SAMD5: variants seen among roughly 807,000 people sequenced by gnomAD.
SAMD5 encodes the protein sterile alpha motif domain-containing protein 5.
Under a neutral mutation model 11.3 loss-of-function variants are expected in SAMD5, and 13 were observed. The observed-to-expected ratio is 1.15, with a 90% CI of 0.75 to 1.83. SAMD5 has a LOEUF of 1.83. SAMD5 is among the 40% of genes most tolerant of loss of function. The pLI is 0.00. For synonymous variants in SAMD5, 129 were observed against 111.3 expected (o/e 1.16, Z -1.00); for missense variants, 255 against 239.1 (o/e 1.07, Z -0.44).
the SAMD5 span, among the ~76,000 whole-genome samples, chr6:147,876,489 T>C: frequency 6.6e-6 from 1 of 152,196 alleles, no homozygotes; most frequent in East Asian, 1.9e-4. Context: ...GATTCTCAGT[T>C]CACTAAAGGC....
At chr6:147,682,867 A>G (rs73011972) in intron 1 of SAMD5, among the ~76,000 whole-genome samples, 17,451 of 152,196 alleles carry the variant, frequency 0.11, 1,089 homozygotes, top group Middle Eastern at 0.16. Flanking sequence ...TTATTAAATC[A>G]TACTTGTAGA....
chr6:147,806,311 C>CGT, the SAMD5 span, among the ~76,000 whole-genome samples: 1 of 124,886 alleles, frequency 8.0e-6, no homozygotes, highest in South Asian at 2.5e-4. Context: ...CATGCGCGCG[C>CGT]GCGCGCGCAC....
At chr6:147,780,951 A>C in the SAMD5 span, among the ~76,000 whole-genome samples, 3 of 152,308 alleles carry the variant, frequency 2.0e-5, no homozygotes, top group South Asian at 2.1e-4. Context: ...GTAATGAAAT[A>C]ATTCACATTA....
chr6:147,837,995 C>T, the SAMD5 span, among the ~76,000 whole-genome samples: 1 of 151,890 alleles, frequency 6.6e-6, no homozygotes, highest in African/African-American at 2.4e-5. Flanking sequence ...AGTCACCGCC[C>T]TCAAGATGCT....
the SAMD5 span, among the ~76,000 whole-genome samples, chr6:147,913,653 G>A: frequency 2.0e-5 from 3 of 152,204 alleles, no homozygotes; most frequent in Admixed American, 6.5e-5. Context: ...CTGAGATCAC[G>A]CCATTGCACT....
At chr6:147,631,911 T>A (rs1373079201) in intron 1 of SAMD5, among the ~76,000 whole-genome samples, 1 of 152,190 alleles carries the variant, frequency 6.6e-6, no homozygotes, top group East Asian at 1.9e-4. Flanking sequence ...TTCTAAGAGG[T>A]GGGCTAGTGG....
the SAMD5 span, among the ~76,000 whole-genome samples, chr6:147,938,464 A>G: frequency 1.3e-5 from 2 of 152,204 alleles, no homozygotes; most frequent in Non-Finnish European, 2.9e-5. Flanking sequence ...TTTATAGACT[A>G]GTAGGAGAGA....
At chr6:147,864,444 T>A in the SAMD5 span, among the ~76,000 whole-genome samples, 1 of 152,212 alleles carries the variant, frequency 6.6e-6, no homozygotes, top group Non-Finnish European at 1.5e-5. Context: ...GTGCTACGTC[T>A]CTGAGCAGTG....
chr6:147,526,260 TATTA>T (rs747870770), intron 1 of SAMD5, among the ~76,000 whole-genome samples: 3 of 152,254 alleles, frequency 2.0e-5, no homozygotes, highest in East Asian at 1.9e-4. Flanking sequence ...ATTACGTGAT[TATTA>T]ATTAATATTA....
At chr6:147,731,345 T>C (rs181401179) in intron 1 of SAMD5, among the ~76,000 whole-genome samples, 51 of 152,276 alleles carry the variant, frequency 3.3e-4, no homozygotes, top group African/African-American at 1.1e-3. Flanking sequence ...CAGAAGAACA[T>C]AGAATGCAGA....
At chr6:147,627,946 G>A (rs962791210) in intron 1 of SAMD5, among the ~76,000 whole-genome samples, 1 of 152,176 alleles carries the variant, frequency 6.6e-6, no homozygotes, top group East Asian at 1.9e-4. Flanking sequence ...TGTGTGAAAG[G>A]GTTAATAATA....
At chr6:147,581,231 T>C (rs572067403) in intron 1 of SAMD5, among the ~76,000 whole-genome samples, 31 of 152,150 alleles carry the variant, frequency 2.0e-4, no homozygotes, top group Non-Finnish European at 3.1e-4. Flanking sequence ...TCCTAAATCA[T>C]GTGCAAGAGA....
chr6:147,862,845 G>C, the SAMD5 span, among the ~76,000 whole-genome samples: 1 of 152,068 alleles, frequency 6.6e-6, no homozygotes, highest in Non-Finnish European at 1.5e-5. Context: ...TGTGATATAT[G>C]TTCTCTAGAA....
chr6:147,600,120 C>T (rs1789593755), intron 1 of SAMD5, among the ~76,000 whole-genome samples: 1 of 152,164 alleles, frequency 6.6e-6, no homozygotes, highest in African/African-American at 2.4e-5. Context: ...CCTCTTTGCA[C>T]TGTGGTCAGA....
intron 1 of SAMD5, chr6:147,730,121 A>G: frequency 6.9e-6 from 3 of 435,976 alleles, no homozygotes; most frequent in South Asian, 1.7e-5. Context: ...GGAAATGGGT[A>G]GGGCTACAGC....
chr6:147,756,219 T>A, the SAMD5 span, among the ~76,000 whole-genome samples: 2 of 152,172 alleles, frequency 1.3e-5, no homozygotes. Context: ...TTGTGTCATA[T>A]AAGATTCCTT....
chr6:147,792,390 A>T, the SAMD5 span, among the ~76,000 whole-genome samples: 1 of 152,210 alleles, frequency 6.6e-6, no homozygotes, highest in East Asian at 1.9e-4. Flanking sequence ...AAGTAAAGGG[A>T]GAAAGCTAGA....
chr6:147,881,495 T>C, the SAMD5 span, among the ~76,000 whole-genome samples: 731 of 152,276 alleles, frequency 4.8e-3, 3 homozygotes, highest in Non-Finnish European at 8.7e-3. Context: ...AAGTCCAAAA[T>C]TGCTGCTTGC....
chr6:147,797,529 C>G, the SAMD5 span, among the ~76,000 whole-genome samples: 2 of 68,476 alleles, frequency 2.9e-5, 1 homozygote, highest in Non-Finnish European at 5.0e-5. Context: ...CTAATATTCT[C>G]TTTTTTGGTT....
Sources: allele counts gnomAD v4.1 joint callset (sites outside exome capture counted in the v4.1 genomes callset), GRCh38; gene constraint gnomAD v4.1.1; transcripts MANE v1.5; gene names NCBI Gene and HGNC (gene_info 2026-07-23, HGNC 2026-07-21).